KIAA1328: variants seen among roughly 807,000 people sequenced by gnomAD.
KIAA1328 encodes protein hinderin.
KIAA1328 carries 52 observed loss-of-function variants against 68.1 expected under a neutral mutation model. The observed-to-expected ratio is 0.76, with a 90% CI of 0.61 to 0.96. The LOEUF (loss-of-function observed/expected upper bound fraction) is 0.96. Ranked by LOEUF, KIAA1328 falls within the 40% of genes least tolerant of loss-of-function variation. The probability of loss-of-function intolerance (pLI) is 0.00; values close to 1 mark genes in which losing one functional copy is unlikely to be tolerated. For missense variants in KIAA1328, 641 were observed against 677.6 expected (o/e 0.95, Z 0.60); for synonymous variants, 232 against 239.4 (o/e 0.97, Z 0.28).
At chr18:36,940,169 G>A (rs1288985153) in intron 5 of KIAA1328, among the ~76,000 whole-genome samples, 3 of 152,170 alleles carry the variant, frequency 2.0e-5, no homozygotes, top group Non-Finnish European at 4.4e-5. Flanking sequence ...GTGCAAGATG[G>A]GCAGAAATGG....
intron 5 of KIAA1328, among the ~76,000 whole-genome samples, chr18:36,913,597 A>T (rs796262493): frequency 1.7e-4 from 25 of 149,164 alleles, no homozygotes; most frequent in African/African-American, 5.9e-4. Flanking sequence ...CTGCCTGCCC[A>T]ACCTTGGACT....
chr18:37,120,269 A>G (rs978670930), intron 7 of KIAA1328, among the ~76,000 whole-genome samples: 9 of 152,154 alleles, frequency 5.9e-5, no homozygotes, highest in Admixed American at 5.9e-4. Context: ...AAAAGATAGG[A>G]TTGCAAATAG....
At chr18:37,000,329 A>T (rs1362384831) in intron 6 of KIAA1328, among the ~76,000 whole-genome samples, 2 of 152,186 alleles carry the variant, frequency 1.3e-5, no homozygotes, top group Non-Finnish European at 1.5e-5. Context: ...ATATGTATGT[A>T]TCCAACATTG....
intron 5 of KIAA1328, among the ~76,000 whole-genome samples, chr18:36,893,440 TGTGTGTGTGTGTGTGTGTGTG>T (rs2048758869): frequency 7.4e-6 from 1 of 135,288 alleles, no homozygotes; most frequent in African/African-American, 2.8e-5. Context: ...GCTATTTGTG[TGTGTGTGTGTGTGTGTGTGTG>T]TTTTTGTGTG....
At chr18:36,918,436 G>A (rs1268592952) in intron 5 of KIAA1328, among the ~76,000 whole-genome samples, 2 of 146,320 alleles carry the variant, frequency 1.4e-5, no homozygotes, top group Non-Finnish European at 3.0e-5. Flanking sequence ...TTTTTGAGAC[G>A]GAGTCTTGCT....
intron 8 of KIAA1328, among the ~76,000 whole-genome samples, chr18:37,165,576 C>G (rs1259830265): frequency 5.3e-5 from 8 of 149,970 alleles, no homozygotes; most frequent in Non-Finnish European, 8.9e-5. Flanking sequence ...TGTGCCACCA[C>G]ACCCGGCTAA....
intron 6 of KIAA1328, among the ~76,000 whole-genome samples, chr18:36,963,315 T>A (rs2051773967): frequency 6.6e-6 from 1 of 152,206 alleles, no homozygotes; most frequent in Non-Finnish European, 1.5e-5. Flanking sequence ...TTTGCGTTTC[T>A]ATTTACTGCT....
At chr18:37,173,117 C>T (rs1246108196) in intron 9 of KIAA1328, 36 bp downstream of exon 9, 1 of 1,437,234 alleles carries the variant, frequency 7.0e-7, no homozygotes. Context: ...TTAATATTCT[C>T]CCTATGAGAG....
At chr18:37,075,431 G>C (rs2056687356) in intron 7 of KIAA1328, 1 of 152,148 alleles carries the variant, frequency 6.6e-6, no homozygotes, top group Non-Finnish European at 1.5e-5. Context: ...CAACTAACGA[G>C]CAAAATAACC....
chr18:36,910,403 T>C (rs1342468438), intron 5 of KIAA1328, among the ~76,000 whole-genome samples: 1 of 152,112 alleles, frequency 6.6e-6, no homozygotes, highest in Non-Finnish European at 1.5e-5. Context: ...TCTTGTTTTT[T>C]TCAGGTTTGT....
chr18:37,151,959 C>T (rs2059040628), intron 7 of KIAA1328, among the ~76,000 whole-genome samples: 1 of 151,904 alleles, frequency 6.6e-6, no homozygotes, highest in African/African-American at 2.4e-5. Flanking sequence ...TTTGGCCTTG[C>T]AGGGGGTCTT....
intron 9 of KIAA1328, chr18:37,193,663 G>C (rs1226498277): frequency 4.3e-6 from 3 of 702,298 alleles, no homozygotes; most frequent in Non-Finnish European, 7.8e-6. Flanking sequence ...CAAAATGCTA[G>C]GCTACACGGA....
intron 7 of KIAA1328, among the ~76,000 whole-genome samples, chr18:37,106,743 G>A (rs1191574182): frequency 1.3e-5 from 2 of 152,122 alleles, no homozygotes; most frequent in African/African-American, 2.4e-5. Context: ...GAATTTCATG[G>A]TATATAAATT....
intron 6 of KIAA1328, 34 bp downstream of exon 6, chr18:36,959,469 AG>A (rs1302274297): frequency 6.3e-7 from 1 of 1,591,464 alleles, no homozygotes; most frequent in Admixed American, 1.8e-5. Flanking sequence ...TCTTGTCTTC[AG>A]TGGATCAGCA....
At chr18:36,842,258 G>C (rs1333572606) in intron 3 of KIAA1328, among the ~76,000 whole-genome samples, 1 of 152,086 alleles carries the variant, frequency 6.6e-6, no homozygotes, top group East Asian at 1.9e-4. Context: ...AACCCGGCTG[G>C]TACTGCCATT....
At position 36,893,464 on chromosome 18, in the gene KIAA1328, TTTGTGTGTG is replaced by T. The variant is rs1568132490; in HGVS notation, c.448+7794_448+7802del. Among the ~76,000 whole-genome samples, 1,012 of 126,460 alleles carry T rather than the reference TTTGTGTGTG, an allele frequency of 8.0e-3. 11 individuals are homozygous for T. Among genetic ancestry groups the T allele is most frequent in the African/African-American group, 0.027 (962 of 35,090 alleles). 83.0% of individuals were successfully genotyped at this position (126,460 alleles called of 152,430 possible). A position where few individuals can be genotyped will look rare whatever the true frequency, so the allele number is the denominator to read the frequency against. ...GTGTGTGTGTGTGTGTGTGTGTGTT[TTTGTGTGTG>T]TGTGTGTGTGTGTGTGTGTGTGTGT... On this transcript the variant is annotated intron_variant, in intron 5 of 9. Transcript: ENST00000280020.
chr18:36,966,380 G>T (rs990132053), intron 6 of KIAA1328, among the ~76,000 whole-genome samples: 6 of 152,098 alleles, frequency 3.9e-5, no homozygotes, highest in African/African-American at 1.4e-4. Flanking sequence ...TTAGACACCT[G>T]AATAAAACAA....
At chr18:36,857,069 T>C (rs59634585) in intron 4 of KIAA1328, among the ~76,000 whole-genome samples, 20,666 of 152,050 alleles carry the variant, frequency 0.14, 1,727 homozygotes, top group Admixed American at 0.18. Context: ...TCTACAACTC[T>C]CCCTTAGCCT....
chr18:37,035,762 A>G (rs781660605), intron 6 of KIAA1328, among the ~76,000 whole-genome samples: 19 of 152,194 alleles, frequency 1.2e-4, no homozygotes, highest in Non-Finnish European at 2.4e-4. Flanking sequence ...TTGGTGTAAG[A>G]TAATCAAATA....
Sources: allele counts gnomAD v4.1 joint callset (sites outside exome capture counted in the v4.1 genomes callset), GRCh38; gene constraint gnomAD v4.1.1; transcripts MANE v1.5; gene names NCBI Gene and HGNC (gene_info 2026-07-23, HGNC 2026-07-21).